ZNF804A: variants seen among roughly 807,000 people sequenced by gnomAD.
The protein encoded by ZNF804A is zinc finger protein 804A.
ZNF804A carries 2 observed loss-of-function variants against 16.5 expected under a neutral mutation model. The ratio of observed to expected loss-of-function variants is 0.12; its 90% CI spans 0.05 to 0.38. The LOEUF (loss-of-function observed/expected upper bound fraction) is 0.38, where lower values mean the gene tolerates loss of function less well. Ranked by LOEUF, ZNF804A falls within the 10% of genes least tolerant of loss-of-function variation. The pLI is 0.99. For synonymous variants in ZNF804A, 534 were observed against 489.6 expected (o/e 1.09, Z -1.20); for missense variants, 1,473 against 1,390.7 (o/e 1.06, Z -0.94).
intron 1 of ZNF804A, among the ~76,000 whole-genome samples, chr2:184,731,200 G>A (rs1392244906): frequency 3.2e-4 from 38 of 120,230 alleles, no homozygotes; most frequent in East Asian, 2.4e-3. Flanking sequence ...GCAGTGAGCT[G>A]AGATCGTGCC....
chr2:184,672,719 G>A (rs1377327452), intron 1 of ZNF804A, among the ~76,000 whole-genome samples: 1 of 152,004 alleles, frequency 6.6e-6, no homozygotes, highest in East Asian at 1.9e-4. Context: ...TTGCCAGATG[G>A]GCAACAGATA....
intron 1 of ZNF804A, among the ~76,000 whole-genome samples, chr2:184,683,976 T>G (rs994387307): frequency 6.6e-6 from 1 of 152,222 alleles, no homozygotes; most frequent in African/African-American, 2.4e-5. Flanking sequence ...TTTGGTAACC[T>G]TTTATTGACT....
intron 1 of ZNF804A, among the ~76,000 whole-genome samples, chr2:184,773,004 G>A (rs534950016): frequency 4.2e-5 from 6 of 144,132 alleles, no homozygotes; most frequent in South Asian, 4.4e-4. Context: ...GTGTGTGTGT[G>A]TATATATATA....
chr2:184,735,818 C>T (rs946448875), intron 1 of ZNF804A, among the ~76,000 whole-genome samples: 17 of 152,048 alleles, frequency 1.1e-4, no homozygotes, highest in South Asian at 2.1e-4. Flanking sequence ...GAAAACTATG[C>T]GTAGTTTACT....
At chr2:184,762,464 A>G (rs1436513074) in intron 1 of ZNF804A, among the ~76,000 whole-genome samples, 2 of 151,998 alleles carry the variant, frequency 1.3e-5, no homozygotes, top group Admixed American at 6.6e-5. Context: ...TCTTGAAACT[A>G]AAATCTAAAG....
intron 2 of ZNF804A, among the ~76,000 whole-genome samples, chr2:184,899,930 T>C (rs1685151290): frequency 6.6e-6 from 1 of 152,000 alleles, no homozygotes; most frequent in Admixed American, 6.6e-5. Flanking sequence ...TTAAGATAAA[T>C]ACAATTATTT....
intron 1 of ZNF804A, among the ~76,000 whole-genome samples, chr2:184,618,852 G>C (rs1691373233): frequency 6.6e-6 from 1 of 151,960 alleles, no homozygotes; most frequent in Non-Finnish European, 1.5e-5. Context: ...TAATCACTGG[G>C]CTTTGCAGTA....
At chr2:184,832,795 A>G (rs1280861977) in intron 1 of ZNF804A, among the ~76,000 whole-genome samples, 1 of 152,012 alleles carries the variant, frequency 6.6e-6, no homozygotes. Flanking sequence ...CAATGATATT[A>G]TACCAAAAGT....
intron 1 of ZNF804A, among the ~76,000 whole-genome samples, chr2:184,829,293 A>G (rs1410003160): frequency 6.6e-6 from 1 of 151,962 alleles, no homozygotes; most frequent in Non-Finnish European, 1.5e-5. Context: ...ATATAATGTG[A>G]GAAGTATGTT....
intron 1 of ZNF804A, among the ~76,000 whole-genome samples, chr2:184,740,319 T>C (rs1367357218): frequency 1.3e-5 from 2 of 152,194 alleles, no homozygotes; most frequent in Non-Finnish European, 2.9e-5. Flanking sequence ...ATGGTCACAA[T>C]AATAAGCAAG....
intron 2 of ZNF804A, among the ~76,000 whole-genome samples, chr2:184,895,612 T>C (rs1685052527): frequency 6.6e-6 from 1 of 152,242 alleles, no homozygotes; most frequent in Admixed American, 6.5e-5. Flanking sequence ...ATTCTGTGCC[T>C]AATCTTTCCC....
At chr2:184,878,172 C>T (rs558988793) in intron 2 of ZNF804A, among the ~76,000 whole-genome samples, 2 of 152,186 alleles carry the variant, frequency 1.3e-5, no homozygotes, top group South Asian at 4.1e-4. Flanking sequence ...AAGAGTTTCT[C>T]TTTTACTCTC....
chr2:184,735,815 A>G (rs1192924974), intron 1 of ZNF804A, among the ~76,000 whole-genome samples: 1 of 152,196 alleles, frequency 6.6e-6, no homozygotes, highest in Admixed American at 6.5e-5. Context: ...TAAGAAAACT[A>G]TGCGTAGTTT....
At chr2:184,687,666 G>A (rs1228114400) in intron 1 of ZNF804A, among the ~76,000 whole-genome samples, 2 of 152,148 alleles carry the variant, frequency 1.3e-5, no homozygotes, top group Non-Finnish European at 2.9e-5. Flanking sequence ...TCTGTTTGGG[G>A]TTATGAAGAA....
intron 1 of ZNF804A, among the ~76,000 whole-genome samples, chr2:184,682,983 A>T (rs918063594): frequency 6.6e-6 from 1 of 152,250 alleles, no homozygotes; most frequent in Admixed American, 6.5e-5. Flanking sequence ...ACTCCATGCT[A>T]CAATGAAACC....
chr2:184,755,568 G>T (rs944040790), intron 1 of ZNF804A, among the ~76,000 whole-genome samples: 1 of 151,828 alleles, frequency 6.6e-6, no homozygotes, highest in African/African-American at 2.4e-5. Flanking sequence ...GTGAGTTTTA[G>T]AACGCAATAA....
At chr2:184,710,221 G>A (rs941303124) in intron 1 of ZNF804A, among the ~76,000 whole-genome samples, 2 of 151,470 alleles carry the variant, frequency 1.3e-5, no homozygotes, top group Non-Finnish European at 3.0e-5. Flanking sequence ...AAGTACGTGG[G>A]CATGGGTGAA....
chr2:184,910,781 A>T (rs539300163), intron 2 of ZNF804A, among the ~76,000 whole-genome samples: 3 of 152,038 alleles, frequency 2.0e-5, no homozygotes, highest in South Asian at 2.1e-4. Flanking sequence ...TTCTTTTGAG[A>T]TGTGTCTGGA....
rs573747805 is a variant in ZNF804A, at chr2:184,752,374, A to C, written c.112-113995A>C. 3.7e-3 allele frequency among the ~76,000 whole-genome samples: 558 copies of C among 151,860 alleles called. 1 individual carries two copies. Among genetic ancestry groups the C allele is most frequent in the Middle Eastern group, 0.01 (3 of 294 alleles). On this transcript the variant is annotated intron_variant, in intron 1 of 3. Transcript: ENST00000302277. ...GTCATTATCCTAAGAGAACTAACTC[A>C]GAAATGGAAAATAAAATACTGTATG...
Sources: gnomAD v4.1 joint callset for allele counts (sites outside exome capture counted in the v4.1 genomes callset) on GRCh38, gnomAD v4.1.1 for gene constraint, MANE v1.5 for transcripts, NCBI Gene and HGNC (gene_info 2026-07-23, HGNC 2026-07-21) for gene names.